The following MED12L variants were observed in gnomAD, a reference collection of about 807,000 sequenced individuals.
MED12L encodes the protein mediator of RNA polymerase II transcription subunit 12-like protein.
A neutral mutation model predicts 281.3 loss-of-function variants in MED12L; 60 were observed. That is an observed-to-expected ratio of 0.21 (90% CI 0.17 to 0.26). The LOEUF is 0.26. MED12L is among the 10% of genes least tolerant of loss of function. The pLI is 1.00. For missense variants in MED12L, 2,146 were observed against 2,680.9 expected (o/e 0.80, Z 4.41); for synonymous variants, 974 against 987.2 (o/e 0.99, Z 0.25).
At chr3:151,287,341 C>T (rs977914611) in intron 16 of MED12L, among the ~76,000 whole-genome samples, 2 of 152,150 alleles carry the variant, frequency 1.3e-5, no homozygotes, top group African/African-American at 4.8e-5. Flanking sequence ...CTTGCTACTG[C>T]TGGGGTTGAG....
At chr3:151,281,231 A>C (rs9837449) in intron 16 of MED12L, among the ~76,000 whole-genome samples, 2 of 102,614 alleles carry the variant, frequency 1.9e-5, no homozygotes, top group Non-Finnish European at 3.9e-5. Context: ...TACCAAAAAT[A>C]CAAAAAAAAA....
At chr3:151,239,658 C>G (rs1402358026) in intron 16 of MED12L, among the ~76,000 whole-genome samples, 2 of 152,148 alleles carry the variant, frequency 1.3e-5, no homozygotes, top group Non-Finnish European at 2.9e-5. Context: ...CACAAAAGCT[C>G]TTTGAGGTCC....
intron 16 of MED12L, among the ~76,000 whole-genome samples, chr3:151,307,048 A>G (rs1746752305): frequency 6.6e-6 from 1 of 152,208 alleles, no homozygotes; most frequent in African/African-American, 2.4e-5. Context: ...ATATTGATGT[A>G]GTTCCTGCAT....
At chr3:151,229,868 G>A (rs535046062) in intron 16 of MED12L, among the ~76,000 whole-genome samples, 1 of 152,334 alleles carries the variant, frequency 6.6e-6, no homozygotes, top group African/African-American at 2.4e-5. Context: ...GGTGAAAGAT[G>A]CACTTTTATG....
At chr3:151,333,549 C>T (rs192921472) in intron 16 of MED12L, among the ~76,000 whole-genome samples, 15 of 152,182 alleles carry the variant, frequency 9.9e-5, no homozygotes, top group Admixed American at 2.0e-4. Flanking sequence ...AGTTAAGCTG[C>T]GACTGATGGG....
Position 151,394,793 on chromosome 3 carries a change from A to G in MED12L, c.5746A>G (p.Ile1916Val), listed in dbSNP as rs758785245. 6.2e-7 allele frequency: 1 copy of G among 1,614,180 alleles called. No individual in the cohort carries two copies. The highest frequency in any genetic ancestry group is 8.5e-7 in the Non-Finnish European group (1 of 1,180,000). The change falls in exon 39 of 45, where the codon ATA (isoleucine) becomes GTA (valine). Residue 1916 changes from isoleucine (I) to valine (V), a missense_variant. Coordinates refer to ENST00000687756, the MANE Select transcript of MED12L (RefSeq NM_001393769.1). ...LHAITSQQQL[I>V]QMKLLQQQQQ... ...TGCAATCACATCGCAGCAGCAGTTGATACAGATGAAGCTTCTGCAGCAGCA... is the reference window on the plus strand; with the variant it reads ...TGCAATCACATCGCAGCAGCAGTTGGTACAGATGAAGCTTCTGCAGCAGCA...
At chr3:151,287,138 G>C (rs1197734430) in intron 16 of MED12L, among the ~76,000 whole-genome samples, 2 of 152,174 alleles carry the variant, frequency 1.3e-5, no homozygotes, top group Admixed American at 1.3e-4. Context: ...AAAATAATCA[G>C]TCAATGTTAA....
intron 5 of MED12L, among the ~76,000 whole-genome samples, chr3:151,134,521 C>T (rs1715862596): frequency 1.3e-5 from 2 of 152,100 alleles, no homozygotes; most frequent in African/African-American, 4.8e-5. Context: ...TCACTGCCCT[C>T]TAGGTATTTG....
intron 16 of MED12L, chr3:151,198,567 C>T: frequency 6.2e-7 from 1 of 1,614,028 alleles, no homozygotes; most frequent in Non-Finnish European, 8.5e-7. Context: ...TTCGACACAG[C>T]CAGGAGCAGT....
chr3:151,237,045 C>CTTTTT (rs56926535), intron 16 of MED12L, among the ~76,000 whole-genome samples: 5 of 125,884 alleles, frequency 4.0e-5, no homozygotes, highest in South Asian at 2.6e-4. Flanking sequence ...TGATGCCAAA[C>CTTTTT]TTTTTTTTTT....
chr3:151,340,508 C>T (rs997405476), intron 16 of MED12L: 13 of 152,436 alleles, frequency 8.5e-5, no homozygotes, highest in African/African-American at 3.1e-4. Flanking sequence ...TTAAGGTTTA[C>T]AATTTTAAGA....
At chr3:151,408,029 C>T (rs1361776063) in intron 39 of MED12L, among the ~76,000 whole-genome samples, 1 of 152,194 alleles carries the variant, frequency 6.6e-6, no homozygotes, top group Non-Finnish European at 1.5e-5. Context: ...TAAGTATTTT[C>T]ATCCTTAATG....
intron 16 of MED12L, among the ~76,000 whole-genome samples, chr3:151,202,191 G>A (rs1725707232): frequency 6.6e-6 from 1 of 152,108 alleles, no homozygotes. Flanking sequence ...GTAAATTAGA[G>A]GTTAAAATAT....
At chr3:151,401,837 G>T (rs1392902404) in intron 39 of MED12L, among the ~76,000 whole-genome samples, 1 of 152,172 alleles carries the variant, frequency 6.6e-6, no homozygotes, top group East Asian at 1.9e-4. Flanking sequence ...AGCATGTTCA[G>T]GGAGGTGGGT....
intron 8 of MED12L, 128 bp downstream of exon 8, chr3:151,160,229 T>A: frequency 1.2e-6 from 1 of 852,250 alleles, no homozygotes; most frequent in Admixed American, 2.6e-5. Context: ...AAGTAATTTA[T>A]TGATTGAAAT....
In MED12L at chr3:151,151,031, C is replaced by CTTTTT. The variant is rs573419924; in HGVS notation, c.557-5111_557-5107dup. ...ATCATTTGTATGACTGCTGAAGTAG[C>CTTTTT]TTTTTTTTTTTTTTTTTTTTTTTGA... On this transcript the variant is annotated intron_variant, in intron 5 of 44. Transcript: ENST00000687756. 2.5e-3 allele frequency among the ~76,000 whole-genome samples: 81 copies of CTTTTT among 32,882 alleles called. 24 individuals are homozygous for CTTTTT. Among genetic ancestry groups the CTTTTT allele is most frequent in the East Asian group, 0.02 (20 of 1,014 alleles). The allele number at this position is 32,882 out of a possible 152,430, so 21.6% of individuals were successfully genotyped here.
At chr3:151,234,432 C>T (rs146430305) in intron 16 of MED12L, among the ~76,000 whole-genome samples, 1 of 152,258 alleles carries the variant, frequency 6.6e-6, no homozygotes, top group Non-Finnish European at 1.5e-5. Flanking sequence ...CAGTTTACAG[C>T]CTTAATCAAT....
At position 151,409,272 on chromosome 3, in the gene MED12L, T is replaced by C. The variant is rs761805256; in HGVS notation, c.5850T>C (p.Phe1950=). The C allele has an allele frequency of 1.4e-5, 22 of 1,610,756 alleles. No individual in the cohort carries two copies. The highest frequency in any genetic ancestry group is 6.6e-5 in the South Asian group (6 of 90,528). The change falls in exon 40 of 45, where the codon TTT becomes TTC. Residue 1950 remains phenylalanine, a synonymous_variant. Coordinates refer to ENST00000687756, the MANE Select transcript of MED12L (RefSeq NM_001393769.1). ...QGQPGDQAAL[F]AAQARPSPQL... is the part of the protein sequence containing the mutation. ...AGCCGGGGGACCAGGCTGCTCTCTT[T>C]GCTGCGCAAGCACGGCCCTCCCCTC...
At chr3:151,203,849 T>C (rs1373607848) in intron 16 of MED12L, among the ~76,000 whole-genome samples, 7 of 152,206 alleles carry the variant, frequency 4.6e-5, no homozygotes, top group African/African-American at 1.7e-4. Flanking sequence ...GTTTATAATT[T>C]TTCATTGAAG....
Sources: allele counts gnomAD v4.1 joint callset (sites outside exome capture counted in the v4.1 genomes callset), GRCh38; gene constraint gnomAD v4.1.1; transcripts MANE v1.5; gene names NCBI Gene and HGNC (gene_info 2026-07-23, HGNC 2026-07-21).